Variants in EPHA3 observed in about 807,000 individuals in gnomAD.
EPHA3 encodes the protein ephrin type-A receptor 3.
Under a neutral mutation model 107.1 loss-of-function variants are expected in EPHA3, and 42 were observed. The observed-to-expected ratio is 0.39, with a 90% CI of 0.31 to 0.51. The LOEUF is 0.51. EPHA3 is among the 20% of genes least tolerant of loss of function. The pLI, the probability that EPHA3 is intolerant of heterozygous loss-of-function variation, is 0.78. For synonymous variants in EPHA3, 461 were observed against 424.8 expected, an observed-to-expected ratio of 1.09 and a Z score of -1.05; for missense variants, 1,183 against 1,211.2, an observed-to-expected ratio of 0.98 and a Z score of 0.35.
intron 5 of EPHA3, among the ~76,000 whole-genome samples, chr3:89,367,012 G>A (rs1708197809): frequency 6.7e-6 from 1 of 150,136 alleles, no homozygotes; most frequent in African/African-American, 2.4e-5. Context: ...CTAACTTCAG[G>A]TTCTCATCAA....
At chr3:89,188,451 C>T (rs760380333) in intron 2 of EPHA3, among the ~76,000 whole-genome samples, 2 of 152,164 alleles carry the variant, frequency 1.3e-5, no homozygotes, top group Non-Finnish European at 2.9e-5. Flanking sequence ...CTTTACTGGG[C>T]ACTTTTTCTT....
At chr3:89,327,870 C>T (rs1056197130) in intron 3 of EPHA3, among the ~76,000 whole-genome samples, 1 of 151,854 alleles carries the variant, frequency 6.6e-6, no homozygotes, top group Non-Finnish European at 1.5e-5. Flanking sequence ...GGCTGAGGCG[C>T]ATGGATCACT....
chr3:89,132,294 T>C (rs1037705234), intron 2 of EPHA3, among the ~76,000 whole-genome samples: 1 of 152,218 alleles, frequency 6.6e-6, no homozygotes, highest in African/African-American at 2.4e-5. Context: ...TTCTTTGTTA[T>C]TTAAGCCACT....
chr3:89,290,231 T>C (rs150851614), intron 3 of EPHA3, among the ~76,000 whole-genome samples: 43 of 152,266 alleles, frequency 2.8e-4, no homozygotes, highest in African/African-American at 9.4e-4. Context: ...TATGTTCCTT[T>C]ACAAACGTAT....
At chr3:89,303,088 G>A (rs77366152) in intron 3 of EPHA3, among the ~76,000 whole-genome samples, 1 of 151,834 alleles carries the variant, frequency 6.6e-6, no homozygotes, top group Non-Finnish European at 1.5e-5. Flanking sequence ...TAGAGACAGG[G>A]TTTCACCATG....
chr3:89,346,511 G>T (rs1052984892), intron 5 of EPHA3, among the ~76,000 whole-genome samples: 2 of 143,710 alleles, frequency 1.4e-5, no homozygotes, highest in African/African-American at 5.1e-5. Context: ...GTAGATTCTG[G>T]ATATTAGCCC....
chr3:89,452,021 A>C (rs1361767392), intron 15 of EPHA3, among the ~76,000 whole-genome samples: 1 of 152,118 alleles, frequency 6.6e-6, no homozygotes, highest in Non-Finnish European at 1.5e-5. Context: ...CAATATTTTA[A>C]GATGTCTAAA....
chr3:89,374,805 C>T (rs1708372249), intron 5 of EPHA3, among the ~76,000 whole-genome samples: 1 of 151,608 alleles, frequency 6.6e-6, no homozygotes, highest in South Asian at 2.1e-4. Context: ...ATTCCGAGCA[C>T]ATAACAGAAT....
intron 5 of EPHA3, among the ~76,000 whole-genome samples, chr3:89,346,320 T>C (rs992945908): frequency 2.6e-4 from 35 of 134,780 alleles, no homozygotes; most frequent in African/African-American, 1.0e-3. Flanking sequence ...CTAACTGGTG[T>C]GAGATGGTAT....
intron 5 of EPHA3, among the ~76,000 whole-genome samples, chr3:89,380,423 C>T (rs1325804459): frequency 1.3e-5 from 2 of 152,078 alleles, no homozygotes; most frequent in Non-Finnish European, 2.9e-5. Flanking sequence ...TTAAAGTTAG[C>T]AGTTTATTAT....
At chr3:89,416,747 A>G (rs1227148073) in intron 10 of EPHA3, among the ~76,000 whole-genome samples, 1 of 151,476 alleles carries the variant, frequency 6.6e-6, no homozygotes, top group East Asian at 1.9e-4. Context: ...TTGCTGAAAC[A>G]CAATTTTCAT....
intron 3 of EPHA3, among the ~76,000 whole-genome samples, chr3:89,232,158 T>C (rs988005520): frequency 3.3e-5 from 5 of 152,046 alleles, no homozygotes; most frequent in African/African-American, 1.2e-4. Context: ...GACCACAGTT[T>C]AGTAAGGCTT....
At chr3:89,294,485 A>G (rs540499024) in intron 3 of EPHA3, among the ~76,000 whole-genome samples, 1 of 151,772 alleles carries the variant, frequency 6.6e-6, no homozygotes, top group South Asian at 2.1e-4. Context: ...TATTCCTTGA[A>G]CTTTGTTCTT....
chr3:89,252,266 G>A (rs1705180732), intron 3 of EPHA3, among the ~76,000 whole-genome samples: 1 of 152,098 alleles, frequency 6.6e-6, no homozygotes, highest in African/African-American at 2.4e-5. Context: ...TTCCACGACT[G>A]GTTTGGACCA....
In EPHA3 at chr3:89,390,663, G is replaced by A. The variant is rs556717374; in HGVS notation, c.1307-5174G>A. On this transcript the variant is annotated intron_variant, in intron 5 of 16. Coordinates refer to ENST00000336596, the MANE Select transcript of EPHA3 (RefSeq NM_005233.6). ...CCGTTATATATGTCAACTAGTCATT[G>A]CATGTTGCTGATTCAAGAGGCTGTC... 9.2e-5 allele frequency among the ~76,000 whole-genome samples: 14 copies of A among 151,414 alleles called. No individual in the cohort carries two copies. In the South Asian group the frequency reaches 2.9e-3, roughly 32 times the overall value.
At chr3:89,321,218 A>G (rs1707036881) in intron 3 of EPHA3, among the ~76,000 whole-genome samples, 1 of 152,042 alleles carries the variant, frequency 6.6e-6, no homozygotes, top group Non-Finnish European at 1.5e-5. Context: ...GAGTTGAAGA[A>G]GGAAGGTCTT....
At chr3:89,162,575 C>A (rs1180729014) in intron 2 of EPHA3, among the ~76,000 whole-genome samples, 1 of 152,122 alleles carries the variant, frequency 6.6e-6, no homozygotes. Flanking sequence ...TGAAATCAGA[C>A]TGTAGGAAGG....
Position 89,341,781 on chromosome 3 carries a change from A to C in EPHA3, c.997A>C (p.Ile333Leu). 6.2e-7 allele frequency: 1 copy of C among 1,612,304 alleles called. No homozygotes were observed. The highest frequency in any genetic ancestry group is 1.7e-4 in the Middle Eastern group (1 of 6,038). ...TRPPSSPRNV[I>L]SNINETSVIL... The stretch of plus-strand genomic sequence containing the variant: ...ACCTCCATCTTCACCAAGAAATGTT[A>C]TCTCTAATATAAACGAGACCTCAGT... The change falls in exon 5 of 17, where the codon ATC becomes CTC. Residue 333 changes from isoleucine (I) to leucine (L), a missense_variant. Ile to Leu is a conservative substitution (Grantham distance 5, BLOSUM62 2). Coordinates refer to ENST00000336596, the MANE Select transcript of EPHA3 (RefSeq NM_005233.6).
chr3:89,194,651 G>A (rs968947688), intron 2 of EPHA3, among the ~76,000 whole-genome samples: 23 of 151,980 alleles, frequency 1.5e-4, no homozygotes, highest in African/African-American at 2.4e-5. Flanking sequence ...ATGACGTTTT[G>A]TGAAAACCTC....
Sources: gnomAD v4.1 joint callset for allele counts (sites outside exome capture counted in the v4.1 genomes callset) on GRCh38, gnomAD v4.1.1 for gene constraint, MANE v1.5 for transcripts, NCBI Gene and HGNC (gene_info 2026-07-23, HGNC 2026-07-21) for gene names.